The following CCDC150 variants were observed in gnomAD, a reference collection of about 807,000 sequenced individuals.
CCDC150 encodes coiled-coil domain containing 150.
In CCDC150, 151 loss-of-function variants were observed where a neutral mutation model predicts 156.5. The ratio of observed to expected loss-of-function variants is 0.97; its 90% CI spans 0.85 to 1.10. The LOEUF is 1.10. CCDC150 is among the 50% of genes least tolerant of loss of function. CCDC150 has a pLI of 0.00. For missense variants in CCDC150, 1,312 were observed against 1,268.1 expected, an observed-to-expected ratio of 1.03 and a Z score of -0.53; for synonymous variants, 452 against 429.4, an observed-to-expected ratio of 1.05 and a Z score of -0.65.
intron 7 of CCDC150, among the ~76,000 whole-genome samples, chr2:196,668,474 A>C (rs1693994416): frequency 6.6e-6 from 1 of 152,120 alleles, no homozygotes; most frequent in South Asian, 2.1e-4. Context: ...TTTTGTAAAG[A>C]GTTTGTGCAA....
At chr2:196,715,360 T>C (rs1697432034) in intron 17 of CCDC150, among the ~76,000 whole-genome samples, 1 of 152,182 alleles carries the variant, frequency 6.6e-6, no homozygotes, top group Admixed American at 6.5e-5. Flanking sequence ...CAGAAGAGTA[T>C]ATGTAATATT....
At chr2:196,649,780 T>C (rs1692769368) in intron 2 of CCDC150, among the ~76,000 whole-genome samples, 1 of 152,244 alleles carries the variant, frequency 6.6e-6, no homozygotes, top group Admixed American at 6.5e-5. Flanking sequence ...GATTATTTTC[T>C]TAATTTCTTT....
At chr2:196,727,996 A>G (rs1031992736) in intron 22 of CCDC150, 1 of 132,380 alleles carries the variant, frequency 7.6e-6, no homozygotes, top group East Asian at 2.5e-4. Flanking sequence ...TGGGCTCCAG[A>G]GCACGACTCT....
intron 10 of CCDC150, among the ~76,000 whole-genome samples, 182 bp downstream of exon 10, chr2:196,674,530 G>A (rs1694383408): frequency 6.6e-6 from 1 of 151,914 alleles, no homozygotes. Context: ...TTACACTCAG[G>A]GCTTTTCATG....
chr2:196,640,673 C>A lies in CCDC150; in HGVS notation c.12+895C>A, dbSNP rs1417389715. 2.6e-5 allele frequency among the ~76,000 whole-genome samples: 4 copies of A among 152,232 alleles called. No individual in the cohort carries two copies. In the East Asian group the frequency reaches 7.7e-4, roughly 29 times the overall value. On this transcript the variant is annotated intron_variant, in intron 1 of 27. Transcript: ENST00000389175. ...GCCAAAAACCCTGTAGTAATCTTGG[C>A]TTCTTCCTTTCCCTCATATCTCATA... is the stretch of plus-strand genomic sequence containing the variant.
At chr2:196,712,317 C>A in intron 16 of CCDC150, 65 bp downstream of exon 16, 2 of 856,506 alleles carry the variant, frequency 2.3e-6, no homozygotes, top group East Asian at 2.7e-5. Flanking sequence ...TGTTTGATGT[C>A]TTTTTCCCCA....
At chr2:196,718,405 A>C in intron 17 of CCDC150, 98 bp from the exon 18 acceptor site, 1 of 959,074 alleles carries the variant, frequency 1.0e-6, no homozygotes, top group Non-Finnish European at 1.5e-6. Flanking sequence ...GTAGTGAATA[A>C]ATATATTTAA....
At chr2:196,704,215 G>A (rs1696433967) in intron 15 of CCDC150, among the ~76,000 whole-genome samples, 1 of 152,190 alleles carries the variant, frequency 6.6e-6, no homozygotes, top group African/African-American at 2.4e-5. Context: ...TGGATTTTGT[G>A]TGTTAATGTA....
intron 2 of CCDC150, among the ~76,000 whole-genome samples, chr2:196,650,307 G>A (rs767162337): frequency 6.6e-5 from 10 of 152,116 alleles, no homozygotes; most frequent in Admixed American, 3.3e-4. Context: ...TGATTTGTGC[G>A]TGTTGAACTG....
chr2:196,708,187 C>G (rs961332512), intron 15 of CCDC150, among the ~76,000 whole-genome samples: 2 of 152,106 alleles, frequency 1.3e-5, no homozygotes, highest in Non-Finnish European at 2.9e-5. Context: ...AATCTGGGTG[C>G]TCTTGTATTG....
chr2:196,731,993 C>T, intron 26 of CCDC150, 40 bp from the exon 27 acceptor site: 1 of 1,587,376 alleles, frequency 6.3e-7, no homozygotes, highest in Non-Finnish European at 8.6e-7. Flanking sequence ...ACTTGTAACT[C>T]TTTCTTTGTG....
At chr2:196,668,774 C>G (rs1022861479) in intron 7 of CCDC150, among the ~76,000 whole-genome samples, 6 of 152,140 alleles carry the variant, frequency 3.9e-5, no homozygotes, top group Non-Finnish European at 8.8e-5. Flanking sequence ...AAGATAAACA[C>G]TCCCCTTTCA....
intron 15 of CCDC150, among the ~76,000 whole-genome samples, chr2:196,709,949 T>C (rs1424800709): frequency 6.6e-6 from 1 of 152,168 alleles, no homozygotes; most frequent in East Asian, 1.9e-4. Context: ...TGTCTCCCAG[T>C]TAGACTACAT....
Position 196,665,200 on chromosome 2 carries a change from A to G in CCDC150, c.646-367A>G, listed in dbSNP as rs145822587. On this transcript the variant is annotated intron_variant, in intron 5 of 27. Coordinates refer to ENST00000389175, the MANE Select transcript of CCDC150 (RefSeq NM_001080539.2). ...ATTTTACACTGCAACACACATACAT[A>G]TACACAAACATTTCCCAAAGCAGCA... Among the ~76,000 whole-genome samples, 289 of 152,294 alleles carry G rather than the reference A, an allele frequency of 1.9e-3. 2 individuals carry two copies. Among genetic ancestry groups the G allele is most frequent in the African/African-American group, 6.5e-3 (269 of 41,564 alleles).
chr2:196,675,444 TC>T (rs1429299392), intron 10 of CCDC150, among the ~76,000 whole-genome samples: 1 of 152,134 alleles, frequency 6.6e-6, no homozygotes, highest in Non-Finnish European at 1.5e-5. Flanking sequence ...TGCTTTGCAA[TC>T]AAATATTGTT....
chr2:196,711,645 T>C (rs1697121377), intron 15 of CCDC150, among the ~76,000 whole-genome samples: 1 of 152,202 alleles, frequency 6.6e-6, no homozygotes, highest in Admixed American at 6.5e-5. Flanking sequence ...ATTCAACATA[T>C]AAGAATTCCA....
Position 196,672,340 on chromosome 2 carries a change from T to C in CCDC150, c.937-5T>C. 6.8e-7 allele frequency: 1 copy of C among 1,478,708 alleles called. No individual in the cohort carries two copies. The highest frequency in any genetic ancestry group is 9.0e-7 in the Non-Finnish European group (1 of 1,109,140). 91.6% of individuals were successfully genotyped at this position (1,478,708 alleles called of 1,614,324 possible). On this transcript the variant is annotated splice_region_variant and splice_polypyrimidine_tract_variant and intron_variant, in intron 8 of 27. Transcript: ENST00000389175. ...TGAAAAAGAGAGTAATTTTTTTTCT[T>C]ATAGAACCTGCAGATATCTTTCAAC...
Position 196,646,389 on chromosome 2 carries a change from A to G in CCDC150, c.61A>G (p.Ile21Val). ...CAGACCGGTCCTTTCTCCAACCCAC[A>G]TCAACGCTACAGCTTCTGAAACATT... The part of the protein sequence containing the change: ...VSRPVLSPTH[I>V]NATASETFTV... The change falls in exon 2 of 28, where the codon ATC becomes GTC. Residue 21 changes from isoleucine to valine, a missense_variant. By Grantham distance (29) the Ile-to-Val change is conservative (BLOSUM62 3). Coordinates refer to ENST00000389175, the MANE Select transcript of CCDC150 (RefSeq NM_001080539.2). 10 of 1,613,886 alleles carry G rather than the reference A, an allele frequency of 6.2e-6. No homozygotes were observed. Among genetic ancestry groups the G allele is most frequent in the Non-Finnish European group, 8.5e-6 (10 of 1,179,762 alleles).
intron 15 of CCDC150, among the ~76,000 whole-genome samples, chr2:196,702,476 T>C (rs544600061): frequency 8.6e-5 from 13 of 151,684 alleles, no homozygotes; most frequent in Admixed American, 2.0e-4. Flanking sequence ...TCCTCCCACC[T>C]CAGTCACCCA....
Sources: gnomAD v4.1 joint callset for allele counts (sites outside exome capture counted in the v4.1 genomes callset) on GRCh38, gnomAD v4.1.1 for gene constraint, MANE v1.5 for transcripts, NCBI Gene and HGNC (gene_info 2026-07-23, HGNC 2026-07-21) for gene names.